ASAP2: variants seen among roughly 807,000 people sequenced by gnomAD.
The protein encoded by ASAP2 is arf-GAP with SH3 domain, ANK repeat and PH domain-containing protein 2.
Under a neutral mutation model 131.4 loss-of-function variants are expected in ASAP2, and 45 were observed. That is an observed-to-expected ratio of 0.34 (90% CI 0.27 to 0.44). ASAP2 has a LOEUF of 0.44. ASAP2 is among the 20% of genes least tolerant of loss of function. The probability of loss-of-function intolerance (pLI) is 1.00; values close to 1 mark genes in which losing one functional copy is unlikely to be tolerated. For missense variants in ASAP2, 1,011 were observed against 1,297.0 expected (o/e 0.78, Z 3.39); for synonymous variants, 510 against 503.0 (o/e 1.01, Z -0.19).
chr2:9,363,168 A>G (rs1673220950), intron 15 of ASAP2, among the ~76,000 whole-genome samples: 1 of 152,194 alleles, frequency 6.6e-6, no homozygotes, highest in Non-Finnish European at 1.5e-5. Flanking sequence ...TTATGTATAT[A>G]TACCACATTT....
At chr2:9,255,838 C>G (rs1017987035) in intron 1 of ASAP2, among the ~76,000 whole-genome samples, 1 of 152,100 alleles carries the variant, frequency 6.6e-6, no homozygotes, top group African/African-American at 2.4e-5. Context: ...GTGATCTCAC[C>G]AGAACATTTT....
intron 20 of ASAP2, among the ~76,000 whole-genome samples, chr2:9,384,026 C>T (rs773152454): frequency 6.6e-6 from 1 of 151,100 alleles, no homozygotes; most frequent in Non-Finnish European, 1.5e-5. Context: ...GGTGGGGAGA[C>T]GGGGGAGGGA....
intron 14 of ASAP2, among the ~76,000 whole-genome samples, chr2:9,358,552 G>A (rs1302356120): frequency 1.3e-5 from 2 of 152,146 alleles, no homozygotes; most frequent in East Asian, 3.9e-4. Flanking sequence ...GGAGAGAGAG[G>A]GAAGAAGAGG....
chr2:9,227,097 C>G (rs2148008275), intron 1 of ASAP2, among the ~76,000 whole-genome samples: 1 of 152,272 alleles, frequency 6.6e-6, no homozygotes, highest in South Asian at 2.1e-4. Context: ...GCTCTGGAAT[C>G]CTGCTCATCT....
intron 12 of ASAP2, 95 bp from the exon 13 acceptor site, chr2:9,355,952 A>C: frequency 6.9e-7 from 1 of 1,443,154 alleles, no homozygotes; most frequent in Non-Finnish European, 9.7e-7. Flanking sequence ...CAGAGAGCTA[A>C]GATTATTCCA....
chr2:9,367,224 G>C (rs181311451), intron 15 of ASAP2, among the ~76,000 whole-genome samples: 1 of 151,476 alleles, frequency 6.6e-6, no homozygotes, highest in Non-Finnish European at 1.5e-5. Flanking sequence ...GTAGAGATGG[G>C]GTTTCACCTT....
intron 2 of ASAP2, among the ~76,000 whole-genome samples, chr2:9,283,487 G>A (rs1397596453): frequency 2.6e-5 from 4 of 152,196 alleles, no homozygotes; most frequent in Non-Finnish European, 4.4e-5. Flanking sequence ...CCTTCCCTGA[G>A]GCTTCAGGGG....
intron 22 of ASAP2, among the ~76,000 whole-genome samples, chr2:9,390,753 T>C (rs1367657869): frequency 6.6e-6 from 1 of 152,218 alleles, no homozygotes; most frequent in Non-Finnish European, 1.5e-5. Context: ...AAGAGAACAT[T>C]GTGACTGTTT....
At chr2:9,362,618 T>A (rs774418987) in intron 15 of ASAP2, among the ~76,000 whole-genome samples, 2 of 151,986 alleles carry the variant, frequency 1.3e-5, no homozygotes, top group African/African-American at 2.4e-5. Flanking sequence ...GTGAGAAGAT[T>A]GTTTGAGTCT....
At chr2:9,253,864 A>G (rs1259573806) in intron 1 of ASAP2, among the ~76,000 whole-genome samples, 1 of 152,072 alleles carries the variant, frequency 6.6e-6, no homozygotes, top group Non-Finnish European at 1.5e-5. Flanking sequence ...AAAATAGTAC[A>G]TACAACGAGA....
chr2:9,353,873 G>T (rs1672512079), intron 12 of ASAP2, among the ~76,000 whole-genome samples: 1 of 152,194 alleles, frequency 6.6e-6, no homozygotes, highest in Non-Finnish European at 1.5e-5. Flanking sequence ...TACTTGGGAG[G>T]CTGAGGTGGG....
At chr2:9,271,089 G>C (rs550828047) in intron 1 of ASAP2, among the ~76,000 whole-genome samples, 1 of 145,702 alleles carries the variant, frequency 6.9e-6, no homozygotes, top group East Asian at 1.9e-4. Flanking sequence ...CACCGCGCCC[G>C]GCCCTGTTTT....
intron 15 of ASAP2, among the ~76,000 whole-genome samples, chr2:9,366,509 G>A (rs1179530261): frequency 1.3e-5 from 2 of 152,202 alleles, no homozygotes; most frequent in Non-Finnish European, 2.9e-5. Context: ...TTGGGGTTCA[G>A]TCCTGGATCT....
At chr2:9,287,849 G>A (rs1667566334) in intron 2 of ASAP2, among the ~76,000 whole-genome samples, 1 of 152,194 alleles carries the variant, frequency 6.6e-6, no homozygotes, top group African/African-American at 2.4e-5. Flanking sequence ...AGTGACCACT[G>A]CATTAGTCAT....
At chr2:9,368,911 G>A (rs531337965) in intron 16 of ASAP2, among the ~76,000 whole-genome samples, 5 of 152,054 alleles carry the variant, frequency 3.3e-5, no homozygotes, top group African/African-American at 1.2e-4. Flanking sequence ...ATTATGTAGC[G>A]TCCTTCTTGC....
At chr2:9,298,073 G>C (rs1668259823) in intron 3 of ASAP2, among the ~76,000 whole-genome samples, 1 of 152,204 alleles carries the variant, frequency 6.6e-6, no homozygotes, top group Non-Finnish European at 1.5e-5. Context: ...TTTTGAAGAA[G>C]TGGGCAGCCC....
chr2:9,378,858 C>T, intron 18 of ASAP2, 86 bp from the exon 19 acceptor site: 1 of 933,388 alleles, frequency 1.1e-6, no homozygotes, highest in East Asian at 3.2e-5. Flanking sequence ...TTTCCTGTGC[C>T]CGTAGCCCAG....
intron 1 of ASAP2, among the ~76,000 whole-genome samples, chr2:9,258,376 A>G (rs985498915): frequency 1.2e-4 from 12 of 99,982 alleles, no homozygotes; most frequent in African/African-American, 4.3e-4. Flanking sequence ...CAGGAGTCTT[A>G]CTTTCCTTTA....
intron 24 of ASAP2, among the ~76,000 whole-genome samples, chr2:9,394,544 T>C (rs1195260947): frequency 6.6e-6 from 1 of 152,132 alleles, no homozygotes; most frequent in African/African-American, 2.4e-5. Context: ...GGCCAAGTTC[T>C]GGGGGCTAGG....
Sources: gnomAD v4.1 joint callset for allele counts (sites outside exome capture counted in the v4.1 genomes callset) on GRCh38, gnomAD v4.1.1 for gene constraint, MANE v1.5 for transcripts, NCBI Gene and HGNC (gene_info 2026-07-23, HGNC 2026-07-21) for gene names.